The following TMCO6 variants were observed in gnomAD, a reference collection of about 807,000 sequenced individuals.
TMCO6 encodes transmembrane and coiled-coil domain-containing protein 6.
In TMCO6, 47 loss-of-function variants were observed where a neutral mutation model predicts 61.8. The observed-to-expected ratio is 0.76, with a 90% CI of 0.60 to 0.97. TMCO6 has a LOEUF of 0.97. TMCO6 is among the 50% of genes least tolerant of loss of function. The pLI is 0.00. For missense variants in TMCO6, 557 were observed against 601.6 expected (o/e 0.93, Z 0.78); for synonymous variants, 261 against 254.2 (o/e 1.03, Z -0.25).
the TMCO6 span, among the ~76,000 whole-genome samples, chr5:140,612,533 G>T: frequency 6.6e-6 from 1 of 152,028 alleles, no homozygotes; most frequent in South Asian, 2.1e-4. Context: ...TAGAGACGGG[G>T]TTTCACCGTG....
upstream of TMCO6, among the ~76,000 whole-genome samples, chr5:140,634,674 C>A (rs1448168789): frequency 6.6e-6 from 1 of 151,860 alleles, no homozygotes; most frequent in East Asian, 1.9e-4. Context: ...TTAGTAGAGA[C>A]AGAGTTTCAC....
At chr5:140,598,108 C>G in the TMCO6 span, among the ~76,000 whole-genome samples, 3 of 152,196 alleles carry the variant, frequency 2.0e-5, no homozygotes, top group African/African-American at 7.2e-5. Context: ...CCTCATGGTG[C>G]ATGTGAGCAT....
chr5:140,615,200 G>A, the TMCO6 span, among the ~76,000 whole-genome samples: 1 of 152,074 alleles, frequency 6.6e-6, no homozygotes, highest in Admixed American at 6.6e-5. Flanking sequence ...ATTTACAATA[G>A]CATGAAAAAG....
At chr5:140,630,056 C>G in the TMCO6 span, among the ~76,000 whole-genome samples, 381 of 150,804 alleles carry the variant, frequency 2.5e-3, 1 homozygote, top group Middle Eastern at 0.01. Flanking sequence ...GTGGCGTGAT[C>G]TTGGCTCACT....
the TMCO6 span, among the ~76,000 whole-genome samples, chr5:140,624,805 G>A: frequency 1.3e-5 from 2 of 151,170 alleles, no homozygotes; most frequent in Non-Finnish European, 2.9e-5. Flanking sequence ...TGGTATTACA[G>A]GCATGAGTCA....
upstream of TMCO6, chr5:140,638,982 G>A (rs554677025): frequency 6.4e-6 from 1 of 156,292 alleles, no homozygotes; most frequent in East Asian, 1.9e-4. Flanking sequence ...AAGGGCCATG[G>A]TCACTCATAT....
chr5:140,606,991 A>T, the TMCO6 span, among the ~76,000 whole-genome samples: 1 of 129,262 alleles, frequency 7.7e-6, no homozygotes, highest in Non-Finnish European at 1.6e-5. Context: ...TTAAAAAGTA[A>T]AAAAAAAAAA....
chr5:140,642,757 G>A (rs757100235), intron 6 of TMCO6, 86 bp downstream of exon 6: 74 of 1,582,274 alleles, frequency 4.7e-5, no homozygotes, highest in Non-Finnish European at 6.1e-5. Context: ...TTCCAAAGCT[G>A]TTGCACATTT....
rs562616047 is a variant in TMCO6 at position 140,643,534 on chromosome 5, C to T, written c.807-30C>T. ...TCTTAAAGGTGGAATTGACTATATACCTAGGGACTGCTTGCTTCCTGTTGC... is the reference window on the plus strand; with the variant it reads ...TCTTAAAGGTGGAATTGACTATATATCTAGGGACTGCTTGCTTCCTGTTGC... On this transcript the variant is annotated intron_variant, in intron 7 of 11. Coordinates refer to ENST00000394671, the MANE Select transcript of TMCO6 (RefSeq NM_018502.5). 120 of 1,594,044 alleles carry T rather than the reference C, an allele frequency of 7.5e-5. No individual in the cohort carries two copies. In the East Asian group the frequency reaches 2.1e-3, roughly 28 times the overall value.
Position 140,644,517 on chromosome 5 carries a change from A to G in TMCO6, c.1201-56A>G, listed in dbSNP as rs549108187. 4 of 1,586,346 alleles carry G rather than the reference A, an allele frequency of 2.5e-6. No homozygotes were observed. The East Asian group carries it at 9.0e-5, about 36-fold the overall frequency. Reference sequence around the variant, plus strand: ...GGTCACCATGTCATATATTTTAGCTATTGTTATGATCTTTGTGTTTCATTC... The same window carrying G: ...GGTCACCATGTCATATATTTTAGCTGTTGTTATGATCTTTGTGTTTCATTC... On this transcript the variant is annotated intron_variant, in intron 10 of 11. Transcript: ENST00000394671.
upstream of TMCO6, chr5:140,639,362 G>T: frequency 1.5e-6 from 1 of 649,778 alleles, no homozygotes; most frequent in Non-Finnish European, 2.7e-6. Context: ...GTCCCCGCGA[G>T]GCGTCCACTC....
upstream of TMCO6, among the ~76,000 whole-genome samples, chr5:140,634,842 G>A (rs1756730086): frequency 6.6e-6 from 1 of 151,766 alleles, no homozygotes; most frequent in African/African-American, 2.4e-5. Flanking sequence ...CCCAGGCTGG[G>A]CGCGATCTCA....
the TMCO6 span, among the ~76,000 whole-genome samples, chr5:140,614,060 A>G: frequency 6.6e-6 from 1 of 152,020 alleles, no homozygotes; most frequent in Middle Eastern, 3.4e-3. Context: ...CACCATGCCC[A>G]GCTAATTTTT....
Position 140,645,212 on chromosome 5 carries a change from C to A in TMCO6, c.*114C>A. On this transcript the variant is annotated 3_prime_UTR_variant, in exon 12 of 12. Transcript: ENST00000394671. ...AGGTCTCATGTTCTCTGCTCCCACA[C>A]CTAAGCCAAGACCTTTGGGTCCCAG... 1.8e-6 allele frequency: 2 copies of A among 1,104,170 alleles called. No individual in the cohort carries two copies. Among genetic ancestry groups the A allele is most frequent in the Non-Finnish European group, 1.3e-6 (1 of 753,102 alleles). 68.4% of individuals were successfully genotyped at this position (1,104,170 alleles called of 1,614,324 possible).
chr5:140,624,709 G>A, the TMCO6 span, among the ~76,000 whole-genome samples: 3 of 151,008 alleles, frequency 2.0e-5, no homozygotes, highest in African/African-American at 7.3e-5. Context: ...TGTATTTTCA[G>A]TAGAGACAGG....
At chr5:140,598,543 G>C in the TMCO6 span, among the ~76,000 whole-genome samples, 1 of 152,176 alleles carries the variant, frequency 6.6e-6, no homozygotes, top group South Asian at 2.1e-4. Flanking sequence ...ATGTAACTTG[G>C]TGGTCCAAAT....
rs1757111777 is a variant in TMCO6 at position 140,642,640 on chromosome 5, C to T, written c.658C>T (p.Gln220Ter). The T allele has an allele frequency of 6.2e-7, 1 of 1,614,122 alleles. No homozygotes were observed. The highest frequency in any genetic ancestry group is 8.5e-7 in the Non-Finnish European group (1 of 1,180,058). ...CGGATATGCCTTGTCCCAGCTTCTA[C>T]AGGCTGAGGAAGCTCCAGAGAAGAT... ...ALGYALSQLL[Q>*]AEEAPEKIIP... is the part of the protein sequence containing the mutation. Residue 220 changes from glutamine (Q) to a stop codon, truncating the protein, a stop_gained, in exon 6 of 12, where the codon CAG becomes TAG. Transcript: ENST00000394671. LOFTEE classifies it high-confidence loss of function.
chr5:140,614,585 A>G, the TMCO6 span, among the ~76,000 whole-genome samples: 1 of 152,114 alleles, frequency 6.6e-6, no homozygotes, highest in Non-Finnish European at 1.5e-5. Flanking sequence ...CTCTAAGGTC[A>G]TGAACAAGGG....
the TMCO6 span, among the ~76,000 whole-genome samples, chr5:140,611,997 G>A: frequency 3.3e-5 from 5 of 152,162 alleles, no homozygotes; most frequent in African/African-American, 1.2e-4. Context: ...AGACTGGATG[G>A]GAGAGAGCAA....
Sources: gnomAD v4.1 joint callset for allele counts (sites outside exome capture counted in the v4.1 genomes callset) on GRCh38, gnomAD v4.1.1 for gene constraint, MANE v1.5 for transcripts, NCBI Gene and HGNC (gene_info 2026-07-23, HGNC 2026-07-21) for gene names.